ITFG1: variants seen among roughly 807,000 people sequenced by gnomAD.
ITFG1 encodes the protein T-cell immunomodulatory protein.
ITFG1 carries 34 observed loss-of-function variants against 81.8 expected under a neutral mutation model. That is an observed-to-expected ratio of 0.42 (90% CI 0.32 to 0.55). The LOEUF (loss-of-function observed/expected upper bound fraction) is 0.55, where lower values mean the gene tolerates loss of function less well. Among genes scored for constraint, ITFG1 ranks in the 20% least tolerant of loss-of-function variants. The pLI is 0.17. For missense variants in ITFG1, 672 were observed against 755.4 expected, an observed-to-expected ratio of 0.89 and a Z score of 1.29; for synonymous variants, 285 against 270.6, an observed-to-expected ratio of 1.05 and a Z score of -0.52.
chr16:47,252,495 C>A (rs986783311), intron 12 of ITFG1, among the ~76,000 whole-genome samples: 2 of 152,126 alleles, frequency 1.3e-5, no homozygotes, highest in Admixed American at 1.3e-4. Flanking sequence ...GAGTTAAGTT[C>A]TAGACTAGAA....
intron 7 of ITFG1, 73 bp downstream of exon 7, chr16:47,375,803 T>C: frequency 1.0e-6 from 1 of 965,172 alleles, no homozygotes; most frequent in South Asian, 1.3e-5. Flanking sequence ...ATTATTTTCA[T>C]TTTATTTTCT....
At chr16:47,298,514 T>C (rs921228124) in intron 10 of ITFG1, among the ~76,000 whole-genome samples, 33 of 152,158 alleles carry the variant, frequency 2.2e-4, no homozygotes, top group African/African-American at 7.2e-4. Context: ...TATGATGTTA[T>C]GTAGGGCTGT....
chr16:47,434,993 T>C (rs1343727135), intron 5 of ITFG1, among the ~76,000 whole-genome samples: 3 of 151,984 alleles, frequency 2.0e-5, no homozygotes, highest in African/African-American at 7.3e-5. Context: ...CATGGACACA[T>C]AGGGTGCGGG....
intron 8 of ITFG1, among the ~76,000 whole-genome samples, chr16:47,345,060 T>C (rs1475677340): frequency 6.6e-6 from 1 of 151,832 alleles, no homozygotes; most frequent in African/African-American, 2.4e-5. Context: ...CCCAGGAAAG[T>C]GGGGGAAAAA....
intron 10 of ITFG1, among the ~76,000 whole-genome samples, chr16:47,267,641 T>C (rs1394128548): frequency 2.6e-5 from 4 of 152,158 alleles, no homozygotes; most frequent in African/African-American, 4.8e-5. Context: ...TTTATCAAGA[T>C]AGAGCATATT....
intron 5 of ITFG1, among the ~76,000 whole-genome samples, chr16:47,444,502 A>G (rs1969297537): frequency 6.6e-6 from 1 of 152,138 alleles, no homozygotes; most frequent in African/African-American, 2.4e-5. Flanking sequence ...TAAAAGAAAA[A>G]GGTATATACT....
At chr16:47,419,508 G>A (rs1042457542) in intron 6 of ITFG1, among the ~76,000 whole-genome samples, 6 of 151,758 alleles carry the variant, frequency 4.0e-5, no homozygotes, top group African/African-American at 9.7e-5. Flanking sequence ...CTGACTTCAC[G>A]CGATCCACCC....
chr16:47,263,132 A>C (rs1420569999), intron 10 of ITFG1: 3 of 252,050 alleles, frequency 1.2e-5, no homozygotes, highest in Non-Finnish European at 2.5e-5. Flanking sequence ...GCCTGACAAC[A>C]TATTGTATCA....
chr16:47,226,978 TAG>T (rs1381430340), intron 13 of ITFG1, among the ~76,000 whole-genome samples: 1 of 152,218 alleles, frequency 6.6e-6, no homozygotes, highest in Non-Finnish European at 1.5e-5. Flanking sequence ...GTAATGTCAG[TAG>T]ATATATCTAA....
intron 12 of ITFG1, among the ~76,000 whole-genome samples, chr16:47,256,585 C>T (rs1239853844): frequency 6.6e-6 from 1 of 151,894 alleles, no homozygotes; most frequent in Middle Eastern, 3.2e-3. Flanking sequence ...TTTAAAATAG[C>T]CAAATAATAC....
At chr16:47,156,767 CT>C (rs1168873307) in intron 17 of ITFG1, among the ~76,000 whole-genome samples, 2 of 152,060 alleles carry the variant, frequency 1.3e-5, no homozygotes, top group Admixed American at 6.6e-5. Flanking sequence ...CATGAGAAGG[CT>C]GGAAGGAGCA....
In ITFG1 at chr16:47,316,488, ACAATACAGTTAACAATT is replaced by A. The variant is rs1200384258; in HGVS notation, c.803-2682_803-2666del. ...AGTAGGGATATTCTCTTACATAACT[ACAATACAGTTAACAATT>A]CACAGTTTACACACAAACAATGCAT... On this transcript the variant is annotated intron_variant, in intron 8 of 17. Coordinates refer to ENST00000320640, the MANE Select transcript of ITFG1 (RefSeq NM_030790.5). Among the ~76,000 whole-genome samples the A allele has an allele frequency of 9.9e-5, 15 of 152,274 alleles. No homozygotes were observed. In the South Asian group the frequency reaches 2.9e-3, roughly 29 times the overall value.
At chr16:47,157,612 T>C (rs1202642103) in intron 17 of ITFG1, 1 of 152,216 alleles carries the variant, frequency 6.6e-6, no homozygotes, top group African/African-American at 2.4e-5. Context: ...CAAGTATGTA[T>C]GGTTGTCCTT....
At chr16:47,435,079 C>T (rs983888181) in intron 5 of ITFG1, among the ~76,000 whole-genome samples, 4 of 152,046 alleles carry the variant, frequency 2.6e-5, no homozygotes, top group Non-Finnish European at 4.4e-5. Context: ...TAAGGGATGC[C>T]GAGCTTAATA....
intron 13 of ITFG1, among the ~76,000 whole-genome samples, chr16:47,221,011 T>C (rs1038804098): frequency 6.6e-5 from 10 of 152,166 alleles, no homozygotes; most frequent in African/African-American, 2.4e-4. Context: ...AGCTCTGAAG[T>C]AGCCTTGAAA....
intron 14 of ITFG1, among the ~76,000 whole-genome samples, chr16:47,198,165 T>C (rs1248204708): frequency 1.3e-5 from 2 of 152,250 alleles, no homozygotes; most frequent in African/African-American, 4.8e-5. Context: ...TCTATACGTT[T>C]ACTTGAAACA....
intron 8 of ITFG1, among the ~76,000 whole-genome samples, chr16:47,340,441 T>C (rs540873586): frequency 6.6e-6 from 1 of 152,276 alleles, no homozygotes; most frequent in African/African-American, 2.4e-5. Flanking sequence ...TTGTGTGGTA[T>C]TACATTAAGC....
intron 6 of ITFG1, among the ~76,000 whole-genome samples, chr16:47,376,767 A>G (rs1968329850): frequency 6.6e-6 from 1 of 152,046 alleles, no homozygotes; most frequent in South Asian, 2.1e-4. Flanking sequence ...GTGGCAGATC[A>G]AGACCATCCT....
intron 8 of ITFG1, among the ~76,000 whole-genome samples, chr16:47,348,551 G>A (rs1428287565): frequency 2.6e-5 from 4 of 152,156 alleles, no homozygotes; most frequent in East Asian, 1.9e-4. Flanking sequence ...CAAGAAATAT[G>A]GGACTATGTG....
Sources: gnomAD v4.1 joint callset for allele counts (sites outside exome capture counted in the v4.1 genomes callset) on GRCh38, gnomAD v4.1.1 for gene constraint, MANE v1.5 for transcripts, NCBI Gene and HGNC (gene_info 2026-07-23, HGNC 2026-07-21) for gene names.